The following ITPK1 variants were observed in gnomAD, a reference collection of about 807,000 sequenced individuals.
ITPK1 encodes the protein inositol 1,3,4-trisphosphate 5/6-kinase.
In ITPK1, 21 loss-of-function variants were observed where a neutral mutation model predicts 45.3. The ratio of observed to expected loss-of-function variants is 0.46; its 90% CI spans 0.33 to 0.67. The LOEUF is 0.67. Ranked by LOEUF, ITPK1 falls within the 30% of genes least tolerant of loss-of-function variation. The pLI is 0.02. For synonymous variants in ITPK1, 258 were observed against 253.6 expected, an observed-to-expected ratio of 1.02 and a Z score of -0.16; for missense variants, 474 against 573.5, an observed-to-expected ratio of 0.83 and a Z score of 1.77.
Position 93,063,537 on chromosome 14 carries a change from C to T in ITPK1, c.120+13058G>A, listed in dbSNP as rs956318312. ...TTAGAAGGCCTTCTCACTTGCCCTC[C>T]CCTCGTCTCAATCATCCATCTCATC... is the stretch of plus-strand genomic sequence containing the variant. On this transcript the variant is annotated intron_variant, in intron 3 of 10. Transcript: ENST00000267615. This position sits in a 1 kb window ranked among gnomAD's most constrained non-coding sequence, Gnocchi z 4.3. Among the ~76,000 whole-genome samples the T allele has an allele frequency of 3.9e-5, 6 of 152,204 alleles. No individual in the cohort carries two copies. The highest frequency in any genetic ancestry group is 9.6e-5 in the African/African-American group (4 of 41,460).
At chr14:93,007,722 G>A (rs570656751) in intron 4 of ITPK1, among the ~76,000 whole-genome samples, 1 of 152,298 alleles carries the variant, frequency 6.6e-6, no homozygotes, top group East Asian at 1.9e-4. Flanking sequence ...CATCTACCCC[G>A]TGGATGACAC....
chr14:92,992,281 G>C (rs72704302), intron 5 of ITPK1, among the ~76,000 whole-genome samples: 1 of 152,344 alleles, frequency 6.6e-6, no homozygotes, highest in Non-Finnish European at 1.5e-5. Context: ...GAAAGAGGCT[G>C]ATTCCCTTTC....
intron 3 of ITPK1, among the ~76,000 whole-genome samples, chr14:93,049,680 G>GGAGCTCTGGGCCAAGC (rs1889925161): frequency 6.9e-6 from 1 of 145,250 alleles, no homozygotes; most frequent in Admixed American, 7.4e-5. Flanking sequence ...AGCTGGGGAT[G>GGAGCTCTGGGCCAAGC]CCAGCCAGAG....
chr14:92,941,092 G>T lies in ITPK1; in HGVS notation c.*469C>A. Reference sequence around the variant, plus strand: ...TAGGAGGAAAAACAAGGAAGGGGCAGGTCAGGGAGTGGGGAGTCAGGCAGA... The same window carrying T: ...TAGGAGGAAAAACAAGGAAGGGGCATGTCAGGGAGTGGGGAGTCAGGCAGA... On this transcript the variant is annotated 3_prime_UTR_variant, in exon 11 of 11. Coordinates refer to ENST00000267615, the MANE Select transcript of ITPK1 (RefSeq NM_014216.6). 8.3e-7 allele frequency: 1 copy of T among 1,202,060 alleles called. No homozygotes were observed. The highest frequency in any genetic ancestry group is 1.5e-5 in the South Asian group (1 of 65,702). The allele number at this position is 1,202,060 out of a possible 1,614,324, so 74.5% of individuals were successfully genotyped here. A position where few individuals can be genotyped will look rare whatever the true frequency, so the allele number is the denominator to read the frequency against.
intron 4 of ITPK1, among the ~76,000 whole-genome samples, chr14:93,004,188 G>C: frequency 6.6e-6 from 1 of 152,338 alleles, no homozygotes; most frequent in East Asian, 1.9e-4. Context: ...AGGGAGGGAG[G>C]CCAGCAGGAG....
intron 2 of ITPK1, among the ~76,000 whole-genome samples, chr14:93,083,132 A>T (rs8019022): frequency 6.6e-6 from 1 of 152,134 alleles, no homozygotes; most frequent in South Asian, 2.1e-4. Flanking sequence ...AAGAGTGATG[A>T]GGAGCAGAGA....
chr14:93,012,905 C>T lies in ITPK1; in HGVS notation c.246+3771G>A, dbSNP rs1420577151. The stretch of plus-strand genomic sequence containing the variant: ...TCACAGCACCCCTTCAGGGGCAATT[C>T]CAGGGCTAGAAGGGGCAGCAGAAGA... On this transcript the variant is annotated intron_variant, in intron 4 of 10. Coordinates refer to ENST00000267615, the MANE Select transcript of ITPK1 (RefSeq NM_014216.6). This position sits in a 1 kb window ranked among gnomAD's most constrained non-coding sequence, Gnocchi z 4.9. Among the ~76,000 whole-genome samples, 1 of 152,240 alleles carries T rather than the reference C, an allele frequency of 6.6e-6. No individual in the cohort carries two copies. Among genetic ancestry groups the T allele is most frequent in the Non-Finnish European group, 1.5e-5 (1 of 68,040 alleles).
chr14:93,090,983 A>G (rs1218256213), intron 2 of ITPK1, among the ~76,000 whole-genome samples: 1 of 152,036 alleles, frequency 6.6e-6, no homozygotes, highest in Non-Finnish European at 1.5e-5. Flanking sequence ...TTCCTCCGCA[A>G]TCACCATGGA....
At chr14:93,068,192 CT>C (rs766200479) in intron 3 of ITPK1, 10 of 152,248 alleles carry the variant, frequency 6.6e-5, no homozygotes, top group Non-Finnish European at 1.2e-4. Context: ...GCTGTCATCC[CT>C]TTAAAGAGGA....
intron 3 of ITPK1, among the ~76,000 whole-genome samples, chr14:93,056,747 G>A (rs1271975820): frequency 6.6e-6 from 1 of 152,168 alleles, no homozygotes; most frequent in Non-Finnish European, 1.5e-5. Context: ...AACAGGGGGA[G>A]CCCAGGCTTC....
At chr14:92,944,428 A>G (rs1887582269) in intron 10 of ITPK1, among the ~76,000 whole-genome samples, 1 of 152,002 alleles carries the variant, frequency 6.6e-6, no homozygotes. Context: ...TCTCTGGAAG[A>G]ACCCTCCCTG....
At chr14:93,097,329 C>A (rs546203517) in intron 2 of ITPK1, among the ~76,000 whole-genome samples, 1 of 152,132 alleles carries the variant, frequency 6.6e-6, no homozygotes, top group Non-Finnish European at 1.5e-5. Context: ...GAGACACAAA[C>A]GGGCCTCCAG....
chr14:93,101,911 T>G (rs996786675), intron 2 of ITPK1, among the ~76,000 whole-genome samples: 1 of 152,176 alleles, frequency 6.6e-6, no homozygotes, highest in African/African-American at 2.4e-5. Flanking sequence ...ACATACGGAC[T>G]GACAGCTTCA....
At chr14:93,054,782 G>A (rs1890153860) in intron 3 of ITPK1, among the ~76,000 whole-genome samples, 1 of 152,174 alleles carries the variant, frequency 6.6e-6, no homozygotes, top group Non-Finnish European at 1.5e-5. Context: ...ACAGAAAACA[G>A]CACTCTCTCT....
At position 92,940,166 on chromosome 14, in the gene ITPK1, C is replaced by T. The variant is rs1170472567; in HGVS notation, c.*1395G>A. 1.1e-5 allele frequency: 11 copies of T among 985,772 alleles called. No homozygotes were observed. Among genetic ancestry groups the T allele is most frequent in the Middle Eastern group, 1.0e-3 (2 of 1,916 alleles). 61.1% of individuals were successfully genotyped at this position (985,772 alleles called of 1,614,324 possible). ...CATGCACTGGCTCGGGGGCCTCTCT[C>T]GGGACACTCAGCACTTTCTCTAGCG... On this transcript the variant is annotated 3_prime_UTR_variant, in exon 11 of 11. Coordinates refer to ENST00000267615, the MANE Select transcript of ITPK1 (RefSeq NM_014216.6).
chr14:93,115,192 C>G lies in ITPK1; in HGVS notation c.-29G>C. The G allele has an allele frequency of 6.6e-7, 1 of 1,517,816 alleles. No homozygotes were observed. The highest frequency in any genetic ancestry group is 9.1e-7 in the Non-Finnish European group (1 of 1,103,128). The allele number at this position is 1,517,816 out of a possible 1,614,324, so 94.0% of individuals were successfully genotyped here. A position where few individuals can be genotyped will look rare whatever the true frequency, so the allele number is the denominator to read the frequency against. On this transcript the variant is annotated 5_prime_UTR_variant, in exon 2 of 11. Coordinates refer to ENST00000267615, the MANE Select transcript of ITPK1 (RefSeq NM_014216.6). The stretch of plus-strand genomic sequence containing the variant: ...CCTCCTCGGGCGGGGAGCCTGGGTC[C>G]GGAGGAAATCGCCCACAGGCCGAGT...
chr14:92,993,262 G>A (rs1886880973), intron 5 of ITPK1, among the ~76,000 whole-genome samples: 1 of 152,256 alleles, frequency 6.6e-6, no homozygotes, highest in African/African-American at 2.4e-5. Flanking sequence ...GGAGGTTACT[G>A]TTAACATGAA....
chr14:93,075,326 C>CAA lies in ITPK1; in HGVS notation c.120+1267_120+1268dup, dbSNP rs58089863. On this transcript the variant is annotated intron_variant, in intron 3 of 10. Coordinates refer to ENST00000267615, the MANE Select transcript of ITPK1 (RefSeq NM_014216.6). ...TCCACTCCAGAGCGAGACTCCTTCT[C>CAA]AAAAAAAAAAAAAAAAAAAAAAAAA... Among the ~76,000 whole-genome samples the CAA allele has an allele frequency of 2.9e-3, 154 of 53,984 alleles. 2 individuals carry two copies. The highest frequency in any genetic ancestry group is 4.1e-3 in the African/African-American group (59 of 14,550). 35.4% of individuals were successfully genotyped at this position (53,984 alleles called of 152,430 possible). A position where few individuals can be genotyped will look rare whatever the true frequency, so the allele number is the denominator to read the frequency against.
At chr14:93,000,974 TAAAAAAAAAAAAAA>T (rs201265189) in intron 4 of ITPK1, among the ~76,000 whole-genome samples, 1 of 81,900 alleles carries the variant, frequency 1.2e-5, no homozygotes. Context: ...AGACTCCAAC[TAAAAAAAAAAAAAA>T]AAAAAAAAAG....
Sources: gnomAD v4.1 joint callset for allele counts (sites outside exome capture counted in the v4.1 genomes callset) on GRCh38, gnomAD v4.1.1 for gene constraint, Gnocchi (gnomAD v3.1) non-coding constraint, MANE v1.5 for transcripts, NCBI Gene and HGNC (gene_info 2026-07-23, HGNC 2026-07-21) for gene names.